Variants in SHISA6 observed in about 807,000 individuals in gnomAD.
SHISA6 encodes the protein protein shisa-6.
Under a neutral mutation model 47.9 loss-of-function variants are expected in SHISA6, and 22 were observed. That is an observed-to-expected ratio of 0.46 (90% CI 0.33 to 0.66). SHISA6 has a LOEUF of 0.66. Among genes scored for constraint, SHISA6 ranks in the 30% least tolerant of loss-of-function variants. The pLI, the probability that SHISA6 is intolerant of heterozygous loss-of-function variation, is 0.02. For missense variants in SHISA6, 680 were observed against 764.6 expected, an observed-to-expected ratio of 0.89 and a Z score of 1.30; for synonymous variants, 388 against 337.8, an observed-to-expected ratio of 1.15 and a Z score of -1.63.
At chr17:11,414,252 A>G (rs1914216998) in intron 3 of SHISA6, among the ~76,000 whole-genome samples, 1 of 152,174 alleles carries the variant, frequency 6.6e-6, no homozygotes, top group East Asian at 1.9e-4. Flanking sequence ...AAATGCTGCA[A>G]AACAGTATTG....
chr17:11,297,523 G>A (rs1471256246), intron 2 of SHISA6, among the ~76,000 whole-genome samples: 5 of 152,086 alleles, frequency 3.3e-5, no homozygotes, highest in South Asian at 2.1e-4. Context: ...GGATGGAAGC[G>A]AGGGCAACAA....
At chr17:11,413,721 T>G (rs1348217615) in intron 3 of SHISA6, among the ~76,000 whole-genome samples, 1 of 152,160 alleles carries the variant, frequency 6.6e-6, no homozygotes, top group South Asian at 2.1e-4. Context: ...GTTCCAGCCG[T>G]GTTTCCAAAG....
At chr17:11,454,377 T>G (rs1415825202) in intron 3 of SHISA6, among the ~76,000 whole-genome samples, 1 of 152,216 alleles carries the variant, frequency 6.6e-6, no homozygotes, top group Non-Finnish European at 1.5e-5. Context: ...TCCTACAGCC[T>G]GTTCTCCACA....
chr17:11,282,619 A>C (rs926285613), intron 2 of SHISA6, among the ~76,000 whole-genome samples: 3 of 152,118 alleles, frequency 2.0e-5, no homozygotes, highest in African/African-American at 7.2e-5. Context: ...TCATTGTTCA[A>C]TTCCCACCTA....
At chr17:11,252,795 C>G (rs942462139) in intron 1 of SHISA6, among the ~76,000 whole-genome samples, 3 of 152,192 alleles carry the variant, frequency 2.0e-5, no homozygotes, top group Non-Finnish European at 2.9e-5. Context: ...GTGGCTGGCT[C>G]AAAAGCTGAG....
At chr17:11,450,072 A>G (rs1915346741) in intron 3 of SHISA6, among the ~76,000 whole-genome samples, 1 of 152,068 alleles carries the variant, frequency 6.6e-6, no homozygotes, top group Non-Finnish European at 1.5e-5. Flanking sequence ...TTTTTAGTAG[A>G]GACGGAGTTT....
At chr17:11,310,456 A>G (rs1249338873) in intron 2 of SHISA6, among the ~76,000 whole-genome samples, 1 of 152,170 alleles carries the variant, frequency 6.6e-6, no homozygotes, top group African/African-American at 2.4e-5. Flanking sequence ...AGAGAATGCA[A>G]TGCCCTGAGA....
At chr17:11,515,313 A>AAAGGAAGG (rs200856515) in intron 3 of SHISA6, among the ~76,000 whole-genome samples, 9,319 of 130,740 alleles carry the variant, frequency 0.071, 413 homozygotes, top group African/African-American at 0.11. Context: ...GAAGAAAGAA[A>AAAGGAAGG]AAGGAAGGAA....
intron 2 of SHISA6, among the ~76,000 whole-genome samples, chr17:11,377,916 T>G (rs2142243353): frequency 6.6e-6 from 1 of 152,348 alleles, no homozygotes; most frequent in East Asian, 1.9e-4. Context: ...TACTTTAAGT[T>G]TCAGCATACA....
At chr17:11,470,383 C>T (rs1027243444) in intron 3 of SHISA6, among the ~76,000 whole-genome samples, 2 of 152,200 alleles carry the variant, frequency 1.3e-5, no homozygotes, top group Non-Finnish European at 2.9e-5. Context: ...AGGAGCATCT[C>T]TAGGGAGAAT....
intron 3 of SHISA6, among the ~76,000 whole-genome samples, chr17:11,527,325 C>A (rs2071695258): frequency 6.6e-6 from 1 of 152,060 alleles, no homozygotes; most frequent in South Asian, 2.1e-4. Flanking sequence ...AACTTTGGTT[C>A]ATGGACAGGA....
chr17:11,393,806 T>C (rs1216843761), intron 3 of SHISA6, among the ~76,000 whole-genome samples: 1 of 152,196 alleles, frequency 6.6e-6, no homozygotes, highest in African/African-American at 2.4e-5. Context: ...GGCATCTTGC[T>C]CTGCTGCTGT....
intron 3 of SHISA6, among the ~76,000 whole-genome samples, chr17:11,453,755 A>G (rs1225853844): frequency 6.6e-6 from 1 of 152,252 alleles, no homozygotes; most frequent in African/African-American, 2.4e-5. Context: ...ATACAATAGC[A>G]TGGATGAATC....
chr17:11,544,935 T>G lies in SHISA6; in HGVS notation c.896-6961T>G, dbSNP rs1340401647. ...AAGATCACGCCACTGCACTCCAGCC[T>G]GGGCAACAGAGAAAGACTCTCTCTC... On this transcript the variant is annotated intron_variant, in intron 3 of 5. Transcript: ENST00000441885. Among the ~76,000 whole-genome samples, 5 of 129,626 alleles carry G rather than the reference T, an allele frequency of 3.9e-5. 1 individual carries two copies. Among genetic ancestry groups the G allele is most frequent in the Non-Finnish European group, 6.2e-5 (4 of 64,610 alleles). 85.0% of individuals were successfully genotyped at this position (129,626 alleles called of 152,430 possible). A position where few individuals can be genotyped will look rare whatever the true frequency, so the allele number is the denominator to read the frequency against.
At chr17:11,524,047 GAAA>G (rs1245946310) in intron 3 of SHISA6, among the ~76,000 whole-genome samples, 2 of 147,730 alleles carry the variant, frequency 1.4e-5, no homozygotes, top group African/African-American at 5.0e-5. Context: ...AAGAAAGAAA[GAAA>G]AAGAAGAAAG....
At chr17:11,554,873 GAGCCCAGCGC>G (rs1200229080) in intron 4 of SHISA6, among the ~76,000 whole-genome samples, 2 of 151,994 alleles carry the variant, frequency 1.3e-5, no homozygotes, top group African/African-American at 4.8e-5. Flanking sequence ...ATCTGGCCCT[GAGCCCAGCGC>G]ACACTGCACT....
intron 2 of SHISA6, among the ~76,000 whole-genome samples, chr17:11,278,135 A>G (rs567050504): frequency 1.5e-4 from 23 of 152,110 alleles, no homozygotes; most frequent in Non-Finnish European, 2.9e-4. Flanking sequence ...TGTGCTTTCC[A>G]CTGTAAATAT....
rs181444788 is a variant in SHISA6 at position 11,550,120 on chromosome 17, T to C, written c.896-1776T>C. On this transcript the variant is annotated intron_variant, in intron 3 of 5. Transcript: ENST00000441885. The stretch of plus-strand genomic sequence containing the variant: ...CCCAGGCTGGAGTGCAGTGGCGCGA[T>C]CTCGGCTCACTGCAACCTCTGCCTC... Among the ~76,000 whole-genome samples, 23 of 152,100 alleles carry C rather than the reference T, an allele frequency of 1.5e-4. No homozygotes were observed. In the East Asian group the frequency reaches 2.9e-3, roughly 19 times the overall value.
At chr17:11,310,885 C>G (rs954567352) in intron 2 of SHISA6, among the ~76,000 whole-genome samples, 2 of 151,584 alleles carry the variant, frequency 1.3e-5, no homozygotes, top group Non-Finnish European at 2.9e-5. Flanking sequence ...TAGGTGGGCG[C>G]ATCACAAGGT....
Sources: gnomAD v4.1 joint callset for allele counts (sites outside exome capture counted in the v4.1 genomes callset) on GRCh38, gnomAD v4.1.1 for gene constraint, MANE v1.5 for transcripts, NCBI Gene and HGNC (gene_info 2026-07-23, HGNC 2026-07-21) for gene names.